TMEM196: variants seen among roughly 807,000 people sequenced by gnomAD.
TMEM196 encodes the protein transmembrane protein 196.
A neutral mutation model predicts 20.0 loss-of-function variants in TMEM196; 17 were observed. The observed-to-expected ratio is 0.85, with a 90% CI of 0.58 to 1.27. The LOEUF is 1.27. Ranked by LOEUF, TMEM196 falls within the 50% of genes most tolerant of loss-of-function variation. The pLI is 0.00. For synonymous variants in TMEM196, 113 were observed against 88.9 expected (o/e 1.27, Z -1.52); for missense variants, 267 against 223.0 (o/e 1.20, Z -1.26).
At chr7:19,750,691 A>T (rs1457208800) in intron 1 of TMEM196, among the ~76,000 whole-genome samples, 2 of 152,180 alleles carry the variant, frequency 1.3e-5, no homozygotes, top group Non-Finnish European at 2.9e-5. Flanking sequence ...ACCATTCATT[A>T]TGCAATTTAT....
At chr7:19,725,795 A>T in intron 2 of TMEM196, 27 bp from the exon 3 acceptor site, 1 of 1,562,470 alleles carries the variant, frequency 6.4e-7, no homozygotes, top group Non-Finnish European at 8.7e-7. Flanking sequence ...AGGCAGCGTT[A>T]AAGTTGAAAA....
chr7:19,739,799 C>T (rs1189222961), intron 1 of TMEM196, among the ~76,000 whole-genome samples: 1 of 152,154 alleles, frequency 6.6e-6, no homozygotes. Context: ...AAATATGTTT[C>T]TTCACTTATC....
At chr7:19,732,786 A>C (rs909797370) in intron 1 of TMEM196, among the ~76,000 whole-genome samples, 5 of 152,196 alleles carry the variant, frequency 3.3e-5, no homozygotes, top group African/African-American at 1.2e-4. Context: ...ATTGTGTTAC[A>C]TTCTAAAATT....
At chr7:19,754,395 T>G (rs1353453979) in intron 1 of TMEM196, among the ~76,000 whole-genome samples, 6 of 152,174 alleles carry the variant, frequency 3.9e-5, no homozygotes, top group Non-Finnish European at 8.8e-5. Flanking sequence ...CAATAATTAT[T>G]TGTCAAATTG....
At chr7:19,746,187 G>A (rs545027158) in intron 1 of TMEM196, among the ~76,000 whole-genome samples, 10 of 152,076 alleles carry the variant, frequency 6.6e-5, no homozygotes, top group Non-Finnish European at 1.3e-4. Context: ...GACTTTAACC[G>A]ATCATCAGTA....
At position 19,772,880 on chromosome 7, in the gene TMEM196, G is replaced by GCC; in HGVS notation, c.-185_-184insGG. ...ACGAAGACCTTCCCTGGCTGGGCCA[G>GCC]AGGCAAAGGAGCTGCTCCACCCCCT... On this transcript the variant is annotated 5_prime_UTR_variant, in exon 1 of 5. Transcript: ENST00000405844. The GCC allele has an allele frequency of 4.1e-6, 2 of 487,534 alleles. No homozygotes were observed. Among genetic ancestry groups the GCC allele is most frequent in the Non-Finnish European group, 6.7e-6 (2 of 299,428 alleles). 30.2% of individuals were successfully genotyped at this position (487,534 alleles called of 1,614,324 possible). A position where few individuals can be genotyped will look rare whatever the true frequency, so the allele number is the denominator to read the frequency against.
chr7:19,726,113 C>G (rs1783991669), intron 2 of TMEM196, among the ~76,000 whole-genome samples: 1 of 152,166 alleles, frequency 6.6e-6, no homozygotes, highest in Admixed American at 6.5e-5. Flanking sequence ...CTACCGTGTG[C>G]TACCATGCTA....
intron 1 of TMEM196, among the ~76,000 whole-genome samples, chr7:19,746,936 G>A (rs1485617233): frequency 2.6e-5 from 4 of 152,168 alleles, no homozygotes. Flanking sequence ...TTACACTGTA[G>A]TTCTTTCTTT....
chr7:19,751,468 T>C (rs1242777888), intron 1 of TMEM196, among the ~76,000 whole-genome samples: 1 of 152,176 alleles, frequency 6.6e-6, no homozygotes, highest in African/African-American at 2.4e-5. Context: ...TGCTGTAAAT[T>C]TGGCTGTGTC....
chr7:19,766,850 G>C (rs745510093), intron 1 of TMEM196, among the ~76,000 whole-genome samples: 1 of 151,994 alleles, frequency 6.6e-6, no homozygotes, highest in African/African-American at 2.4e-5. Context: ...ATACAAAAAA[G>C]TTAGATAGTT....
At chr7:19,741,617 G>A (rs528935674) in intron 1 of TMEM196, among the ~76,000 whole-genome samples, 121 of 152,238 alleles carry the variant, frequency 7.9e-4, no homozygotes, top group Admixed American at 4.3e-3. Flanking sequence ...GTGTGTTTCA[G>A]AAAGTTCTTT....
At chr7:19,748,642 G>A (rs1266698614) in intron 1 of TMEM196, among the ~76,000 whole-genome samples, 1 of 152,132 alleles carries the variant, frequency 6.6e-6, no homozygotes, top group African/African-American at 2.4e-5. Flanking sequence ...GACTTCAGGA[G>A]GGAATATCAA....
rs376614851 is a variant in TMEM196 at position 19,729,363 on chromosome 7, A to G, written c.204+19T>C. The G allele has an allele frequency of 5.8e-6, 9 of 1,550,102 alleles. No homozygotes were observed. Among genetic ancestry groups the G allele is most frequent in the Non-Finnish European group, 7.9e-6 (9 of 1,146,380 alleles). ...TTTCATACACCTCAATGCACAATAC[A>G]AACAAATCAAACACTTACGACAAGT... is the stretch of plus-strand genomic sequence containing the variant. On this transcript the variant is annotated intron_variant, in intron 2 of 4. Coordinates refer to ENST00000405844, the MANE Select transcript of TMEM196 (RefSeq NM_001363562.2).
At chr7:19,764,064 T>G (rs572020768) in intron 1 of TMEM196, among the ~76,000 whole-genome samples, 5 of 152,208 alleles carry the variant, frequency 3.3e-5, no homozygotes, top group Non-Finnish European at 7.4e-5. Flanking sequence ...AGCTGTGAGA[T>G]TCACTGAACA....
chr7:19,744,218 C>A (rs1203356329), intron 1 of TMEM196, among the ~76,000 whole-genome samples: 1 of 152,150 alleles, frequency 6.6e-6, no homozygotes, highest in Non-Finnish European at 1.5e-5. Flanking sequence ...ACAGGACCAT[C>A]ATAAAATAAT....
rs79131339 is a variant in TMEM196, at chr7:19,743,467, G to T, written c.148-14029C>A. Among the ~76,000 whole-genome samples the T allele has an allele frequency of 9.7e-3, 1,472 of 152,186 alleles. 30 individuals carry two copies. Among genetic ancestry groups the T allele is most frequent in the African/African-American group, 0.034 (1,398 of 41,522 alleles). ...ATTATAGTCTATATTACTTAGCCATGCTCTCTCTGTTTGTATCAATTTTAT... is the reference window on the plus strand; with the variant it reads ...ATTATAGTCTATATTACTTAGCCATTCTCTCTCTGTTTGTATCAATTTTAT... On this transcript the variant is annotated intron_variant, in intron 1 of 4. Coordinates refer to ENST00000405844, the MANE Select transcript of TMEM196 (RefSeq NM_001363562.2).
rs1475661505 is a variant in TMEM196, at chr7:19,720,564, A to T, written c.*1564T>A. ...ATATAGTGAGAGTTATGTATTTAAAAATGATAGATTTCTTTGTCTGTTGCC... is the reference window on the plus strand; with the variant it reads ...ATATAGTGAGAGTTATGTATTTAAATATGATAGATTTCTTTGTCTGTTGCC... On this transcript the variant is annotated 3_prime_UTR_variant, in exon 5 of 5. Coordinates refer to ENST00000405844, the MANE Select transcript of TMEM196 (RefSeq NM_001363562.2). The T allele has an allele frequency of 6.6e-6, 1 of 152,000 alleles. No homozygotes were observed. Among genetic ancestry groups the T allele is most frequent in the Non-Finnish European group, 1.5e-5 (1 of 67,868 alleles). 9.4% of individuals were successfully genotyped at this position (152,000 alleles called of 1,614,324 possible). A position where few individuals can be genotyped will look rare whatever the true frequency, so the allele number is the denominator to read the frequency against.
At chr7:19,728,200 C>G (rs912104840) in intron 2 of TMEM196, among the ~76,000 whole-genome samples, 2 of 148,984 alleles carry the variant, frequency 1.3e-5, no homozygotes, top group Admixed American at 6.6e-5. Flanking sequence ...CTTTCTTTCT[C>G]TCTCTCTTTT....
rs1490663254 is a variant in TMEM196 at position 19,725,501 on chromosome 7, G to A, written c.459+13C>T. The A allele has an allele frequency of 1.9e-6, 3 of 1,598,968 alleles. No homozygotes were observed. The highest frequency in any genetic ancestry group is 1.7e-5 in the Admixed American group (1 of 59,752). ...CATGTGCTAGCAGTGAGAGGAAAAGGTACAAAACTCACTTTCTCAGCCATT... is the reference window on the plus strand; with the variant it reads ...CATGTGCTAGCAGTGAGAGGAAAAGATACAAAACTCACTTTCTCAGCCATT... On this transcript the variant is annotated intron_variant, in intron 3 of 4. Transcript: ENST00000405844.
Sources: allele counts gnomAD v4.1 joint callset (sites outside exome capture counted in the v4.1 genomes callset), GRCh38; gene constraint gnomAD v4.1.1; transcripts MANE v1.5; gene names NCBI Gene and HGNC (gene_info 2026-07-23, HGNC 2026-07-21).